Variants in ITPR2 observed in about 807,000 individuals in gnomAD.
ITPR2 encodes inositol 1,4,5-trisphosphate-gated calcium channel ITPR2.
Under a neutral mutation model 317.1 loss-of-function variants are expected in ITPR2, and 207 were observed. The observed-to-expected ratio is 0.65, with a 90% CI of 0.58 to 0.73. The LOEUF (loss-of-function observed/expected upper bound fraction) is 0.73, where lower values mean the gene tolerates loss of function less well. Among genes scored for constraint, ITPR2 ranks in the 30% least tolerant of loss-of-function variants. The pLI is 0.00. For synonymous variants in ITPR2, 1,156 were observed against 1,149.1 expected, an observed-to-expected ratio of 1.01 and a Z score of -0.12; for missense variants, 2,613 against 3,284.0, an observed-to-expected ratio of 0.80 and a Z score of 4.99.
At chr12:26,438,192 C>T (rs1941404735) in intron 47 of ITPR2, among the ~76,000 whole-genome samples, 1 of 152,158 alleles carries the variant, frequency 6.6e-6, no homozygotes, top group Non-Finnish European at 1.5e-5. Flanking sequence ...CCATAAGGCT[C>T]TACATGGTAA....
chr12:26,764,102 T>G (rs931355089), intron 2 of ITPR2, among the ~76,000 whole-genome samples: 9 of 152,064 alleles, frequency 5.9e-5, no homozygotes, highest in African/African-American at 1.9e-4. Flanking sequence ...TAAAATTAAG[T>G]AAAGGTAGTC....
intron 2 of ITPR2, among the ~76,000 whole-genome samples, chr12:26,787,252 A>G (rs1950271222): frequency 6.6e-6 from 1 of 152,254 alleles, no homozygotes; most frequent in Admixed American, 6.5e-5. Context: ...TGAGTTCCCA[A>G]TAGGAAAGAA....
chr12:26,425,357 T>G (rs12319678), intron 49 of ITPR2, among the ~76,000 whole-genome samples: 6,239 of 152,230 alleles, frequency 0.041, 384 homozygotes, highest in African/African-American at 0.14. Context: ...AAATTAAAGT[T>G]GATTTTTTTT....
chr12:26,626,809 G>A (rs574437747), intron 23 of ITPR2, among the ~76,000 whole-genome samples: 1 of 152,338 alleles, frequency 6.6e-6, no homozygotes, highest in South Asian at 2.1e-4. Context: ...AGAGGGGAGA[G>A]TTCCTAATGT....
intron 21 of ITPR2, among the ~76,000 whole-genome samples, chr12:26,651,806 T>C (rs1283670993): frequency 1.3e-5 from 2 of 152,230 alleles, no homozygotes; most frequent in East Asian, 3.8e-4. Flanking sequence ...GCAGTTTCTT[T>C]AAAATTTGGC....
At chr12:26,784,639 CG>C (rs1565763236) in intron 2 of ITPR2, among the ~76,000 whole-genome samples, 1 of 151,674 alleles carries the variant, frequency 6.6e-6, no homozygotes, top group African/African-American at 2.4e-5. Flanking sequence ...CTTGTTCACT[CG>C]GTGCTCAATG....
At chr12:26,706,447 G>C (rs953450538) in intron 9 of ITPR2, among the ~76,000 whole-genome samples, 1 of 151,936 alleles carries the variant, frequency 6.6e-6, no homozygotes, top group African/African-American at 2.4e-5. Context: ...TAACTCACAA[G>C]TCCTACATAT....
At chr12:26,374,419 G>T (rs760175918) in intron 55 of ITPR2, among the ~76,000 whole-genome samples, 1 of 152,160 alleles carries the variant, frequency 6.6e-6, no homozygotes, top group East Asian at 1.9e-4. Flanking sequence ...GACATTATAG[G>T]TGCTATGTAT....
chr12:26,634,001 A>T (rs1946809517), intron 21 of ITPR2, among the ~76,000 whole-genome samples: 1 of 152,254 alleles, frequency 6.6e-6, no homozygotes, highest in Admixed American at 6.5e-5. Flanking sequence ...CCTGTCACCA[A>T]GGAATTAAAA....
chr12:26,744,166 T>C (rs569619561), intron 2 of ITPR2, among the ~76,000 whole-genome samples: 1 of 152,328 alleles, frequency 6.6e-6, no homozygotes, highest in South Asian at 2.1e-4. Context: ...TGCCTCCACC[T>C]TACTCAAAGC....
At chr12:26,780,530 C>T (rs1950058877) in intron 2 of ITPR2, among the ~76,000 whole-genome samples, 1 of 152,172 alleles carries the variant, frequency 6.6e-6, no homozygotes, top group Non-Finnish European at 1.5e-5. Flanking sequence ...CTGGACTTAC[C>T]ATGTTCCCCA....
intron 21 of ITPR2, among the ~76,000 whole-genome samples, chr12:26,651,766 C>A (rs1377303469): frequency 6.6e-6 from 1 of 152,214 alleles, no homozygotes; most frequent in Non-Finnish European, 1.5e-5. Context: ...TCTTGTTCAA[C>A]ATCGCCCCCT....
intron 1 of ITPR2, among the ~76,000 whole-genome samples, chr12:26,819,240 A>G (rs1248701402): frequency 6.6e-6 from 1 of 152,232 alleles, no homozygotes; most frequent in African/African-American, 2.4e-5. Context: ...TTACCAATGA[A>G]GATTCCTAGC....
intron 37 of ITPR2, among the ~76,000 whole-genome samples, 182 bp downstream of exon 37, chr12:26,550,065 C>A (rs1487978014): frequency 6.6e-6 from 1 of 151,790 alleles, no homozygotes; most frequent in Non-Finnish European, 1.5e-5. Context: ...AGTTATTTCC[C>A]AGTTTAAAAC....
At chr12:26,820,311 T>G (rs1950920071) in intron 1 of ITPR2, among the ~76,000 whole-genome samples, 1 of 152,152 alleles carries the variant, frequency 6.6e-6, no homozygotes, top group Non-Finnish European at 1.5e-5. Context: ...GAGGAACTGA[T>G]GTTAACAGCT....
intron 26 of ITPR2, among the ~76,000 whole-genome samples, chr12:26,603,501 C>T (rs1399297051): frequency 3.9e-5 from 6 of 152,146 alleles, no homozygotes; most frequent in African/African-American, 1.4e-4. Flanking sequence ...TGGCACTAGA[C>T]TATGGTGAAT....
chr12:26,581,748 T>C (rs1000430316), intron 32 of ITPR2, among the ~76,000 whole-genome samples: 1 of 152,174 alleles, frequency 6.6e-6, no homozygotes, highest in African/African-American at 2.4e-5. Flanking sequence ...AGAATTAGGA[T>C]TTACTTCTTT....
intron 34 of ITPR2, among the ~76,000 whole-genome samples, chr12:26,567,987 TATATATATATTATATATATTATATATA>T: frequency 5.7e-5 from 1 of 17,594 alleles, no homozygotes; most frequent in African/African-American, 1.5e-4. Context: ...ATTATATATA[TATATATATATTATATATATTATATATA>T]TATATATATA....
intron 55 of ITPR2, among the ~76,000 whole-genome samples, chr12:26,357,574 A>G (rs539068252): frequency 6.6e-6 from 1 of 152,364 alleles, no homozygotes; most frequent in South Asian, 2.1e-4. Flanking sequence ...TTGACCAAAG[A>G]GGGTTGCGGG....
Sources: allele counts gnomAD v4.1 joint callset (sites outside exome capture counted in the v4.1 genomes callset), GRCh38; gene constraint gnomAD v4.1.1; transcripts MANE v1.5; gene names NCBI Gene and HGNC (gene_info 2026-07-23, HGNC 2026-07-21).